The following PLCH1 variants were observed in gnomAD, a reference collection of about 807,000 sequenced individuals.
The protein encoded by PLCH1 is 1-phosphatidylinositol 4,5-bisphosphate phosphodiesterase eta-1.
PLCH1 carries 60 observed loss-of-function variants against 126.7 expected under a neutral mutation model. The ratio of observed to expected loss-of-function variants is 0.47; its 90% confidence interval spans 0.38 to 0.59. The LOEUF (loss-of-function observed/expected upper bound fraction) is 0.59, where lower values mean the gene tolerates loss of function less well. PLCH1 is among the 20% of genes least tolerant of loss of function. PLCH1 has a pLI of 0.00. For synonymous variants in PLCH1, 719 were observed against 734.9 expected, an observed-to-expected ratio of 0.98 and a Z score of 0.35; for missense variants, 1,723 against 2,040.0, an observed-to-expected ratio of 0.84 and a Z score of 2.99.
At chr3:155,454,122 C>A (rs1289746631) in intron 21 of PLCH1, among the ~76,000 whole-genome samples, 1 of 152,120 alleles carries the variant, frequency 6.6e-6, no homozygotes, top group African/African-American at 2.4e-5. Context: ...TAATTAAGAA[C>A]TTTATGTATT....
chr3:155,721,053 C>G (rs1483757820), intron 1 of PLCH1, among the ~76,000 whole-genome samples: 2 of 152,186 alleles, frequency 1.3e-5, no homozygotes, highest in African/African-American at 2.4e-5. Context: ...TCTGGGTTCT[C>G]TATTCTGCTC....
chr3:155,703,671 G>A (rs921132159), intron 2 of PLCH1, among the ~76,000 whole-genome samples: 1 of 152,170 alleles, frequency 6.6e-6, no homozygotes, highest in African/African-American at 2.4e-5. Context: ...AAGCCCTAAA[G>A]GACAGCAATA....
At chr3:155,723,953 CAAAA>C (rs34436223) in intron 1 of PLCH1, among the ~76,000 whole-genome samples, 1 of 80,078 alleles carries the variant, frequency 1.2e-5, no homozygotes. Context: ...AACTCCATCT[CAAAA>C]AAAAAAAAAA....
intron 2 of PLCH1, among the ~76,000 whole-genome samples, chr3:155,673,954 ACC>A (rs1743818629): frequency 6.6e-6 from 1 of 152,162 alleles, no homozygotes; most frequent in Non-Finnish European, 1.5e-5. Context: ...GTACAACTAT[ACC>A]ATCTTACATA....
In PLCH1 at chr3:155,554,047, G is replaced by A. The variant is rs771235015; in HGVS notation, c.1190+29C>T. ...GCAATGCTCCATGCGGGAGGCTACC[G>A]CTTAGCTCACAGGTGCTGCTTTACT... is the stretch of plus-strand genomic sequence containing the variant. On this transcript the variant is annotated intron_variant, in intron 9 of 22. Transcript: ENST00000460012. 24 of 1,609,722 alleles carry A rather than the reference G, an allele frequency of 1.5e-5. 1 individual carries two copies. The highest frequency in any genetic ancestry group is 1.7e-4 in the Middle Eastern group (1 of 6,054).
chr3:155,690,412 C>CG (rs1745284112), intron 2 of PLCH1, among the ~76,000 whole-genome samples: 1 of 152,198 alleles, frequency 6.6e-6, no homozygotes, highest in East Asian at 1.9e-4. Context: ...GCAAAAATTT[C>CG]ATAAGTGTCC....
At chr3:155,611,089 T>G (rs760445221) in intron 2 of PLCH1, among the ~76,000 whole-genome samples, 2 of 151,994 alleles carry the variant, frequency 1.3e-5, no homozygotes, top group African/African-American at 4.8e-5. Context: ...AAAACAAACT[T>G]TAAAGCAAAA....
At chr3:155,652,063 A>C (rs1740762867) in intron 2 of PLCH1, among the ~76,000 whole-genome samples, 1 of 152,216 alleles carries the variant, frequency 6.6e-6, no homozygotes, top group South Asian at 2.1e-4. Flanking sequence ...TGTTCGAATC[A>C]TCTGAAATGA....
At chr3:155,710,767 AG>A (rs1747061366) in intron 1 of PLCH1, among the ~76,000 whole-genome samples, 1 of 151,584 alleles carries the variant, frequency 6.6e-6, no homozygotes, top group Admixed American at 6.6e-5. Context: ...CGGGAGGCAG[AG>A]GTTGCAGTGA....
intron 21 of PLCH1, among the ~76,000 whole-genome samples, chr3:155,458,257 A>T (rs1375463682): frequency 1.3e-5 from 2 of 149,594 alleles, no homozygotes; most frequent in Non-Finnish European, 3.0e-5. Flanking sequence ...CAGGAGAATC[A>T]CTTGAACCTG....
intron 10 of PLCH1, among the ~76,000 whole-genome samples, chr3:155,543,357 G>A (rs964302785): frequency 6.6e-5 from 10 of 152,142 alleles, no homozygotes; most frequent in Non-Finnish European, 1.3e-4. Context: ...AAAAAGAAAT[G>A]AACAAAGCCT....
At chr3:155,658,210 G>T in intron 2 of PLCH1, 1 of 204,490 alleles carries the variant, frequency 4.9e-6, no homozygotes, top group South Asian at 9.7e-5. Flanking sequence ...TCACTCTTGG[G>T]ACCGTTCTGA....
At chr3:155,534,395 T>A (rs1723080545) in intron 10 of PLCH1, among the ~76,000 whole-genome samples, 1 of 152,200 alleles carries the variant, frequency 6.6e-6, no homozygotes, top group South Asian at 2.1e-4. Context: ...TTGGCCGATG[T>A]CTCCTTTTTG....
Position 155,586,100 on chromosome 3 carries a change from T to G in PLCH1, c.565A>C (p.Asn189His). Residue 189 changes from asparagine (N) to histidine (H), a missense_variant, in exon 5 of 23, where the codon AAT becomes CAT. Physicochemically the swap from Asn to His is moderately conservative, Grantham distance 68. Around this residue, in one of 2 missense-constraint regions of PLCH1, gnomAD observed 776 missense variants for 1,062.9 expected, o/e 0.73. Coordinates refer to ENST00000460012, the MANE Select transcript of PLCH1 (RefSeq NM_014996.4). ...TGTCTGACTTTTCTTCGGGGCAGAT[T>G]AACATTCAGTTTATGCATCAGCTGA... is the stretch of plus-strand genomic sequence containing the variant. ...IHQLMHKLNVNLPRRKVRQMF... is the reference protein window; with the variant it reads ...IHQLMHKLNVHLPRRKVRQMF... The G allele has an allele frequency of 1.2e-6, 2 of 1,614,036 alleles. No homozygotes were observed. Among genetic ancestry groups the G allele is most frequent in the Non-Finnish European group, 1.7e-6 (2 of 1,179,892 alleles).
Position 155,713,656 on chromosome 3 carries a change from T to C in PLCH1, c.-40-9392A>G, listed in dbSNP as rs749844975. 7.6e-4 allele frequency among the ~76,000 whole-genome samples: 116 copies of C among 152,152 alleles called. 2 individuals carry two copies. The highest frequency in any genetic ancestry group is 2.6e-4 in the Admixed American group (4 of 15,276). Reference sequence around the variant, plus strand: ...GACATAGTAAGGTATCAAGGGACAATGGACAAACACCTGACTGGAAGTCAA... The same window carrying C: ...GACATAGTAAGGTATCAAGGGACAACGGACAAACACCTGACTGGAAGTCAA... On this transcript the variant is annotated intron_variant, in intron 1 of 22. Coordinates refer to ENST00000460012, the MANE Select transcript of PLCH1 (RefSeq NM_014996.4).
downstream of PLCH1, among the ~76,000 whole-genome samples, chr3:155,477,156 C>T (rs1420491063): frequency 6.6e-6 from 1 of 152,068 alleles, no homozygotes; most frequent in Admixed American, 6.5e-5. Flanking sequence ...AAGGAAAAGA[C>T]AGTCTCTTCA....
At chr3:155,618,981 A>G (rs1487711948) in intron 2 of PLCH1, among the ~76,000 whole-genome samples, 2 of 152,012 alleles carry the variant, frequency 1.3e-5, no homozygotes, top group East Asian at 3.9e-4. Context: ...AAAAAGCCCT[A>G]TTGGCTCTTT....
At chr3:155,703,265 A>G (rs921027284) in intron 2 of PLCH1, among the ~76,000 whole-genome samples, 1 of 152,232 alleles carries the variant, frequency 6.6e-6, no homozygotes, top group Non-Finnish European at 1.5e-5. Flanking sequence ...AGACTTCAGA[A>G]CAATCTTAGA....
intron 21 of PLCH1, among the ~76,000 whole-genome samples, chr3:155,451,872 T>C (rs979095101): frequency 6.6e-6 from 1 of 152,152 alleles, no homozygotes; most frequent in African/African-American, 2.4e-5. Flanking sequence ...ACCAACACTA[T>C]CAGCTCACTT....
Sources: gnomAD v4.1 joint callset for allele counts (sites outside exome capture counted in the v4.1 genomes callset) on GRCh38, gnomAD v4.1.1 for gene constraint, gnomAD v4.1.1 regional missense constraint, MANE v1.5 for transcripts, NCBI Gene and HGNC (gene_info 2026-07-23, HGNC 2026-07-21) for gene names.